HNF4G: variants seen among roughly 807,000 people sequenced by gnomAD.
HNF4G encodes hepatocyte nuclear factor 4 gamma.
HNF4G carries 21 observed loss-of-function variants against 50.9 expected under a neutral mutation model. That is an observed-to-expected ratio of 0.41 (90% CI 0.29 to 0.59). HNF4G has a LOEUF of 0.59. Among genes scored for constraint, HNF4G ranks in the 20% least tolerant of loss-of-function variants. The pLI is 0.26. For synonymous variants in HNF4G, 198 were observed against 185.6 expected (o/e 1.07, Z -0.54); for missense variants, 527 against 559.4 (o/e 0.94, Z 0.58).
rs1042795511 is a variant in HNF4G, at chr8:75,512,467, A to ATTG, written c.-24+22261_-24+22262insGTT. 5.4e-5 allele frequency among the ~76,000 whole-genome samples: 8 copies of ATTG among 149,088 alleles called. No homozygotes were observed. In the East Asian group the frequency reaches 5.9e-4, roughly 11 times the overall value. ...TACTATTACTATTATTATTATTATT[A>ATTG]TTATTGTTATTATTTGAGATGGAGT... On this transcript the variant is annotated intron_variant, in intron 2 of 10. Coordinates refer to the HNF4G transcript ENST00000354370.
chr8:75,524,749 T>C (rs1806136330), intron 2 of HNF4G, among the ~76,000 whole-genome samples: 1 of 152,132 alleles, frequency 6.6e-6, no homozygotes, highest in South Asian at 2.1e-4. Context: ...AAGAAAAGTG[T>C]TATTTAGGAT....
chr8:75,415,125 C>T (rs1217247084), intron 1 of HNF4G, among the ~76,000 whole-genome samples: 1 of 152,124 alleles, frequency 6.6e-6, no homozygotes, highest in African/African-American at 2.4e-5. Context: ...ACTAATGATT[C>T]TGAACATCTT....
intron 2 of HNF4G, among the ~76,000 whole-genome samples, chr8:75,490,678 C>T (rs148118455): frequency 6.6e-6 from 1 of 152,038 alleles, no homozygotes; most frequent in Non-Finnish European, 1.5e-5. Context: ...CAAGTGTTTT[C>T]TCTCTTTTCT....
At chr8:75,556,095 A>C in intron 6 of HNF4G, 26 bp downstream of exon 6, 1 of 1,230,424 alleles carries the variant, frequency 8.1e-7, no homozygotes, top group Non-Finnish European at 1.2e-6. Context: ...TTAATTTAAG[A>C]AGAAATTATG....
chr8:75,409,727 T>C (rs1222996365), intron 1 of HNF4G, among the ~76,000 whole-genome samples: 1 of 152,128 alleles, frequency 6.6e-6, no homozygotes, highest in Non-Finnish European at 1.5e-5. Flanking sequence ...GACCTCGTGA[T>C]CTGCCCGTCT....
intron 1 of HNF4G, among the ~76,000 whole-genome samples, chr8:75,410,992 A>T (rs1810487047): frequency 6.6e-6 from 1 of 152,234 alleles, no homozygotes; most frequent in East Asian, 1.9e-4. Context: ...ATTGTAGGCA[A>T]TTTATATGCC....
At chr8:75,418,682 A>G (rs1029709241) in intron 1 of HNF4G, among the ~76,000 whole-genome samples, 1 of 148,740 alleles carries the variant, frequency 6.7e-6, no homozygotes, top group African/African-American at 2.5e-5. Context: ...AGAAAGAAGA[A>G]TCTTTCATGA....
chr8:75,490,688 T>C (rs2130680896), intron 2 of HNF4G, among the ~76,000 whole-genome samples: 1 of 152,224 alleles, frequency 6.6e-6, no homozygotes, highest in South Asian at 2.1e-4. Flanking sequence ...CTCTCTTTTC[T>C]TGATTATTTC....
At chr8:75,436,965 GC>G (rs1811155258) in intron 1 of HNF4G, among the ~76,000 whole-genome samples, 1 of 152,170 alleles carries the variant, frequency 6.6e-6, no homozygotes, top group South Asian at 2.1e-4. Context: ...GATCACTTAA[GC>G]CCAGGAGTTC....
intron 2 of HNF4G, among the ~76,000 whole-genome samples, chr8:75,504,094 C>G (rs916334903): frequency 2.0e-5 from 3 of 151,994 alleles, no homozygotes; most frequent in African/African-American, 7.2e-5. Context: ...TGGTGGCATA[C>G]ATCTGTGGTC....
rs1054132323 is a variant in HNF4G at position 75,558,591 on chromosome 8, G to T, written c.807G>T (p.Glu269Asp). The T allele has an allele frequency of 6.2e-7, 1 of 1,613,706 alleles. No individual in the cohort carries two copies. Among genetic ancestry groups the T allele is most frequent in the African/African-American group, 1.3e-5 (1 of 74,908 alleles). ...ISRVANRVLD[E>D]LVRPFQEIQI... ...GTGTGGCCAATCGTGTTCTAGATGA[G>T]CTGGTTAGACCATTTCAAGAAATCC... is the stretch of plus-strand genomic sequence containing the variant. Residue 269 changes from glutamate to aspartate, a missense_variant, in exon 7 of 10, where the codon GAG becomes GAT. Around this residue, in one of 5 missense-constraint regions of HNF4G, gnomAD observed 308 missense variants for 301.5 expected, o/e 1.02. Coordinates refer to ENST00000396423, the MANE Select transcript of HNF4G (RefSeq NM_004133.5).
intron 2 of HNF4G, among the ~76,000 whole-genome samples, chr8:75,534,473 C>A (rs1046376430): frequency 1.3e-5 from 2 of 151,812 alleles, no homozygotes; most frequent in African/African-American, 4.8e-5. Flanking sequence ...GCTGTGCAAT[C>A]ATCATTTTGT....
At chr8:75,443,454 C>A (rs772423310) in intron 1 of HNF4G, among the ~76,000 whole-genome samples, 1 of 152,120 alleles carries the variant, frequency 6.6e-6, no homozygotes, top group Non-Finnish European at 1.5e-5. Flanking sequence ...ACAAGTTATA[C>A]GTTGGTAGTC....
At chr8:75,540,636 T>C (rs1806590914) in intron 1 of HNF4G, among the ~76,000 whole-genome samples, 1 of 152,128 alleles carries the variant, frequency 6.6e-6, no homozygotes, top group African/African-American at 2.4e-5. Context: ...GACAGGCTAA[T>C]GTTTAGCCGC....
chr8:75,520,598 T>C (rs1387699046), intron 2 of HNF4G, among the ~76,000 whole-genome samples: 1 of 151,858 alleles, frequency 6.6e-6, no homozygotes, highest in Non-Finnish European at 1.5e-5. Flanking sequence ...CCACCATGCC[T>C]GGCTAATTTT....
At chr8:75,523,894 G>A (rs1806113133) in intron 2 of HNF4G, among the ~76,000 whole-genome samples, 1 of 151,640 alleles carries the variant, frequency 6.6e-6, no homozygotes, top group African/African-American at 2.4e-5. Context: ...AATATTCTTA[G>A]TGTAATAATA....
intron 2 of HNF4G, among the ~76,000 whole-genome samples, chr8:75,513,194 C>T (rs1481971837): frequency 3.3e-5 from 5 of 152,018 alleles, no homozygotes; most frequent in Middle Eastern, 3.2e-3. Context: ...CCTACCACCA[C>T]GCCCAGCTAA....
At chr8:75,506,734 T>G (rs558341042) in intron 2 of HNF4G, among the ~76,000 whole-genome samples, 1 of 152,290 alleles carries the variant, frequency 6.6e-6, no homozygotes, top group Admixed American at 6.5e-5. Flanking sequence ...TTCTTCTCCC[T>G]TAGAGTAGCA....
intron 1 of HNF4G, among the ~76,000 whole-genome samples, chr8:75,458,505 A>C (rs1298008037): frequency 6.6e-6 from 1 of 152,016 alleles, no homozygotes; most frequent in African/African-American, 2.4e-5. Flanking sequence ...AATTTTCATA[A>C]TATCTACTCA....
Sources: allele counts gnomAD v4.1 joint callset (sites outside exome capture counted in the v4.1 genomes callset), GRCh38; gene constraint gnomAD v4.1.1; regional missense constraint gnomAD v4.1.1; transcripts MANE v1.5; gene names NCBI Gene and HGNC (gene_info 2026-07-23, HGNC 2026-07-21).